The following NPHS1 variants were observed in gnomAD, a reference collection of about 807,000 sequenced individuals.
NPHS1 encodes NPHS1 adhesion molecule, nephrin.
Under a neutral mutation model 139.7 loss-of-function variants are expected in NPHS1, and 107 were observed. The observed-to-expected ratio is 0.77, with a 90% confidence interval of 0.66 to 0.90. The LOEUF is 0.90. Among genes scored for constraint, NPHS1 ranks in the 40% least tolerant of loss-of-function variants. The pLI is 0.00. For missense variants in NPHS1, 1,580 were observed against 1,654.2 expected (o/e 0.96, Z 0.78); for synonymous variants, 707 against 706.6 (o/e 1.00, Z -0.01).
chr19:35,833,396 C>G (rs1348248661), intron 23 of NPHS1, among the ~76,000 whole-genome samples: 2 of 152,230 alleles, frequency 1.3e-5, no homozygotes, highest in African/African-American at 4.8e-5. Context: ...CAGGACTCCA[C>G]AGTGGGCACA....
In NPHS1 at chr19:35,844,210, C is replaced by A; in HGVS notation, c.2105G>T (p.Gly702Val). Residue 702 changes from glycine to valine, a missense_variant, in exon 16 of 29, where the codon GGG becomes GTG. Coordinates refer to ENST00000378910, the MANE Select transcript of NPHS1 (RefSeq NM_004646.4). ...GGTCACATTCCACAGATGCAGAGCC[C>A]CGCTGGACAGGATGCGATGCCGGGG... ...GGPRHRILSS[G>V]ALHLWNVTRA... The A allele has an allele frequency of 6.2e-7, 1 of 1,612,760 alleles. No individual in the cohort carries two copies. Among genetic ancestry groups the A allele is most frequent in the Non-Finnish European group, 8.5e-7 (1 of 1,179,932 alleles).
At position 35,851,644 on chromosome 19, in the gene NPHS1, G is replaced by C. The variant is rs544235158; in HGVS notation, c.87C>G (p.Ser29=). ...EGLAQLAIPA[S]VPRGFWALPE... The stretch of plus-strand genomic sequence containing the variant: ...GCAGGGCCCAGAAGCCCCGGGGAAC[G>C]GAGGCAGGAATCGCCAACTGCGCCA... The change falls in exon 2 of 29, where the codon TCC becomes TCG. Residue 29 remains serine, a synonymous_variant. Coordinates refer to ENST00000378910, the MANE Select transcript of NPHS1 (RefSeq NM_004646.4). The C allele has an allele frequency of 6.2e-7, 1 of 1,613,770 alleles. No homozygotes were observed. Among genetic ancestry groups the C allele is most frequent in the Non-Finnish European group, 8.5e-7 (1 of 1,179,890 alleles).
intron 6 of NPHS1, 38 bp from the exon 7 acceptor site, chr19:35,849,401 C>T (rs1488506803): frequency 1.2e-6 from 2 of 1,604,604 alleles, no homozygotes; most frequent in East Asian, 2.2e-5. Flanking sequence ...CTGGAGTAGC[C>T]CATCCACTCT....
chr19:35,849,488 C>T, intron 6 of NPHS1, 62 bp downstream of exon 6: 8 of 1,595,810 alleles, frequency 5.0e-6, no homozygotes, highest in Non-Finnish European at 6.9e-6. Flanking sequence ...TGTGATCCCC[C>T]CACACCCCCC....
At position 35,849,626 on chromosome 19, in the gene NPHS1, C is replaced by T; in HGVS notation, c.636G>A (p.Arg212=). 1 of 1,614,022 alleles carries T rather than the reference C, an allele frequency of 6.2e-7. No individual in the cohort carries two copies. The highest frequency in any genetic ancestry group is 8.5e-7 in the Non-Finnish European group (1 of 1,179,970). ...TAGACGCCTCACAGACCAGCAACTG[C>T]CTATTATCTGAGCTCCGGGGTGTCA... ...ARVTPRSSDN[R]QLLVCEASSP... The change falls in exon 6 of 29, where the codon AGG becomes AGA. Residue 212 remains arginine (R), a synonymous_variant. Coordinates refer to ENST00000378910, the MANE Select transcript of NPHS1 (RefSeq NM_004646.4).
chr19:35,848,905 A>C, intron 8 of NPHS1, 71 bp downstream of exon 8: 1 of 1,610,676 alleles, frequency 6.2e-7, no homozygotes, highest in Non-Finnish European at 8.5e-7. Context: ...CAGTAGGCAT[A>C]ATTTGGGGGC....
intron 22 of NPHS1, among the ~76,000 whole-genome samples, chr19:35,839,012 A>G (rs1973015970): frequency 6.6e-6 from 1 of 152,156 alleles, no homozygotes; most frequent in Admixed American, 6.5e-5. Context: ...TTGGTCATTA[A>G]TCACATTCAG....
At position 35,848,968 on chromosome 19, in the gene NPHS1, G is replaced by A. The variant is rs757205500; in HGVS notation, c.1012+8C>T. 1.9e-6 allele frequency: 3 copies of A among 1,611,530 alleles called. No individual in the cohort carries two copies. The highest frequency in any genetic ancestry group is 1.3e-5 in the African/African-American group (1 of 74,900). On this transcript the variant is annotated splice_region_variant and intron_variant, in intron 8 of 28. Coordinates refer to ENST00000378910, the MANE Select transcript of NPHS1 (RefSeq NM_004646.4). ...ACCGACAGGGGGGCAGCTGGCACCA[G>A]GACTCACAGGTGACCTGCAGTGTGA...
At chr19:35,828,004 GATT>G (rs1205069456) in intron 28 of NPHS1, among the ~76,000 whole-genome samples, 1 of 152,178 alleles carries the variant, frequency 6.6e-6, no homozygotes, top group Non-Finnish European at 1.5e-5. Context: ...TGTAAGTTAT[GATT>G]ATATTGTCCT....
Position 35,835,971 on chromosome 19 carries a change from G to GT in NPHS1, c.3110-211dup, listed in dbSNP as rs538426450. Reference sequence around the variant, plus strand: ...GTAACGCTAATGCTAAGAATAATTTGTTTTTTGAGACTGAACCTCTCTCTA... The same window carrying GT: ...GTAACGCTAATGCTAAGAATAATTTGTTTTTTTGAGACTGAACCTCTCTCTA... On this transcript the variant is annotated intron_variant, in intron 22 of 28. Coordinates refer to ENST00000378910, the MANE Select transcript of NPHS1 (RefSeq NM_004646.4). Among the ~76,000 whole-genome samples the GT allele has an allele frequency of 1.8e-3, 244 of 137,986 alleles. 2 individuals carry two copies. Among genetic ancestry groups the GT allele is most frequent in the African/African-American group, 6.1e-3 (225 of 36,920 alleles). 90.5% of individuals were successfully genotyped at this position (137,986 alleles called of 152,430 possible). A position where few individuals can be genotyped will look rare whatever the true frequency, so the allele number is the denominator to read the frequency against.
intron 16 of NPHS1, 87 bp downstream of exon 16, chr19:35,844,015 TG>T: frequency 6.5e-7 from 1 of 1,545,990 alleles, no homozygotes. Context: ...TGGCTATCCC[TG>T]GGTGGGCGGA....
Position 35,845,074 on chromosome 19 carries a change from C to T in NPHS1, c.1930+294G>A, listed in dbSNP as rs534194958. The stretch of plus-strand genomic sequence containing the variant: ...CTTGAGCCCAGGGGTTCAAGACCAG[C>T]CTGGGCAACATAGTGAGACCCCGTT... On this transcript the variant is annotated intron_variant, in intron 14 of 28. Transcript: ENST00000378910. The surrounding 1 kb of genome is among the most constrained non-coding windows in gnomAD (Gnocchi z 5.5). 1.8e-3 allele frequency among the ~76,000 whole-genome samples: 277 copies of T among 152,304 alleles called. No homozygotes were observed. Among genetic ancestry groups the T allele is most frequent in the African/African-American group, 6.5e-3 (272 of 41,556 alleles).
chr19:35,843,541 A>G lies in NPHS1; in HGVS notation c.2265T>C (p.Gly755=). Residue 755 remains glycine (G), a synonymous_variant, in exon 17 of 29, where the codon GGT becomes GGC. Coordinates refer to ENST00000378910, the MANE Select transcript of NPHS1 (RefSeq NM_004646.4). ...CGACAGTGCAGACTATGTCCACAGA[A>G]CCCCCGACGTTCACCTCAGTGGGGT... The part of the protein sequence containing the change: ...LQDPTEVNVG[G]SVDIVCTVDA... 1 of 1,613,924 alleles carries G rather than the reference A, an allele frequency of 6.2e-7. No individual in the cohort carries two copies. Among genetic ancestry groups the G allele is most frequent in the South Asian group, 1.1e-5 (1 of 91,066 alleles).
In NPHS1 at chr19:35,844,208, C is replaced by T. The variant is rs750307337; in HGVS notation, c.2107G>A (p.Ala703Thr). The T allele has an allele frequency of 2.5e-6, 4 of 1,612,602 alleles. No individual in the cohort carries two copies. The South Asian group carries it at 4.4e-5, about 18-fold the overall frequency. ...CGGGTCACATTCCACAGATGCAGAGCCCCGCTGGACAGGATGCGATGCCGG... is the reference window on the plus strand; with the variant it reads ...CGGGTCACATTCCACAGATGCAGAGTCCCGCTGGACAGGATGCGATGCCGG... The part of the protein sequence containing the change: ...GPRHRILSSG[A>T]LHLWNVTRAD... The change falls in exon 16 of 29, where the codon GCT becomes ACT. Residue 703 changes from alanine to threonine, a missense_variant. Physicochemically the swap from Ala to Thr is moderately conservative, Grantham distance 58. Coordinates refer to ENST00000378910, the MANE Select transcript of NPHS1 (RefSeq NM_004646.4).
rs1267715369 is a variant in NPHS1, at chr19:35,848,760, T to G, written c.1047A>C (p.Ala349=). The G allele has an allele frequency of 6.2e-7, 1 of 1,614,038 alleles. No homozygotes were observed. Reference sequence around the variant, plus strand: ...TCACGTTCTTGTTCTCAGTCTGGGATGCAGATCCCAAGATAATAATGGCAC... The same window carrying G: ...TCACGTTCTTGTTCTCAGTCTGGGAGGCAGATCCCAAGATAATAATGGCAC... The part of the protein sequence containing the change: ...PPSAIIILGS[A]SQTENKNVTL... Residue 349 remains alanine (A), a synonymous_variant, in exon 9 of 29, where the codon GCA becomes GCC. Transcript: ENST00000378910.
chr19:35,851,034 T>A lies in NPHS1; in HGVS notation c.453A>T (p.Val151=). The change falls in exon 4 of 29, where the codon GTA becomes GTT. Residue 151 remains valine (V), a synonymous_variant. Transcript: ENST00000378910. ...AGTTGACCACGTACTCCTGCCCAGC[T>A]ACCCAGGTGACCATGGTGCCTGCCT... The part of the protein sequence containing the change: ...TPEAGTMVTW[V]AGQEYVVNCV... 6.2e-7 allele frequency: 1 copy of A among 1,614,190 alleles called. No homozygotes were observed. The highest frequency in any genetic ancestry group is 8.5e-7 in the Non-Finnish European group (1 of 1,180,012).
At chr19:35,831,832 G>A (rs1255937818) in intron 23 of NPHS1, 70 bp from the exon 24 acceptor site, 35 of 1,505,932 alleles carry the variant, frequency 2.3e-5, no homozygotes, top group Non-Finnish European at 3.0e-5. Flanking sequence ...GTCTCCCCGA[G>A]AAAGTGTAGC....
rs187092205 is a variant in NPHS1, at chr19:35,832,012, G to A, written c.3167-250C>T. On this transcript the variant is annotated intron_variant, in intron 23 of 28. Coordinates refer to ENST00000378910, the MANE Select transcript of NPHS1 (RefSeq NM_004646.4). ...ACTCAGAACGGAACTCTGGACTCAG[G>A]AGGGAGCTTCAGCTCGTTAGCTGGG... Among the ~76,000 whole-genome samples the A allele has an allele frequency of 1.0e-3, 152 of 152,312 alleles. 1 individual carries two copies. Among genetic ancestry groups the A allele is most frequent in the African/African-American group, 3.4e-3 (140 of 41,562 alleles).
At chr19:35,843,763 T>G (rs1973093774) in intron 16 of NPHS1, 170 bp from the exon 17 acceptor site, 1 of 795,316 alleles carries the variant, frequency 1.3e-6, no homozygotes. Context: ...TTGGTGAGGT[T>G]GTCTCCACCC....
Sources: gnomAD v4.1 joint callset for allele counts (sites outside exome capture counted in the v4.1 genomes callset) on GRCh38, gnomAD v4.1.1 for gene constraint, Gnocchi (gnomAD v3.1) non-coding constraint, MANE v1.5 for transcripts, NCBI Gene and HGNC (gene_info 2026-07-23, HGNC 2026-07-21) for gene names.